GRIK2: variants seen among roughly 807,000 people sequenced by gnomAD.
The protein encoded by GRIK2 is glutamate receptor ionotropic, kainate 2.
In GRIK2, 32 loss-of-function variants were observed where a neutral mutation model predicts 100.3. The ratio of observed to expected loss-of-function variants is 0.32; its 90% CI spans 0.24 to 0.43. GRIK2 has a LOEUF of 0.43. GRIK2 is among the 20% of genes least tolerant of loss of function. The pLI is 1.00. For synonymous variants in GRIK2, 417 were observed against 389.4 expected, an observed-to-expected ratio of 1.07 and a Z score of -0.83; for missense variants, 843 against 1,114.9, an observed-to-expected ratio of 0.76 and a Z score of 3.47.
chr6:101,860,878 T>G, intron 11 of GRIK2: 1 of 728,242 alleles, frequency 1.4e-6, no homozygotes, highest in Admixed American at 6.3e-5. Context: ...GGATTTATTT[T>G]TATTTCTCAG....
At chr6:101,721,896 A>G (rs1158001287) in intron 7 of GRIK2, among the ~76,000 whole-genome samples, 5 of 152,062 alleles carry the variant, frequency 3.3e-5, no homozygotes, top group South Asian at 4.1e-4. Flanking sequence ...CTTAATTTCA[A>G]TATGTTTCAT....
chr6:101,529,668 G>A (rs1480824158), intron 2 of GRIK2, among the ~76,000 whole-genome samples: 1 of 152,026 alleles, frequency 6.6e-6, no homozygotes, highest in African/African-American at 2.4e-5. Flanking sequence ...TCTATAAAGA[G>A]GGTTGGTGTC....
At chr6:101,792,389 T>G (rs1186237549) in intron 7 of GRIK2, among the ~76,000 whole-genome samples, 3 of 152,260 alleles carry the variant, frequency 2.0e-5, no homozygotes, top group East Asian at 1.9e-4. Context: ...AGGAGCTCTT[T>G]TAGAGCAGGC....
At chr6:101,439,258 G>A (rs1488884792) in intron 2 of GRIK2, among the ~76,000 whole-genome samples, 1 of 152,018 alleles carries the variant, frequency 6.6e-6, no homozygotes, top group Non-Finnish European at 1.5e-5. Context: ...AGTTTATTTT[G>A]TCCTGGGAAG....
chr6:101,775,121 G>A (rs1778659339), intron 7 of GRIK2, among the ~76,000 whole-genome samples: 1 of 152,080 alleles, frequency 6.6e-6, no homozygotes, highest in Admixed American at 6.5e-5. Context: ...AACATAAAGG[G>A]CCAATGGAAA....
intron 10 of GRIK2, among the ~76,000 whole-genome samples, chr6:101,819,972 A>G (rs140017397): frequency 2.4e-4 from 37 of 152,274 alleles, no homozygotes; most frequent in South Asian, 8.3e-4. Flanking sequence ...TTAAATTTTT[A>G]TATATAGGGT....
At chr6:101,410,580 G>A (rs1775845180) in intron 2 of GRIK2, among the ~76,000 whole-genome samples, 1 of 152,084 alleles carries the variant, frequency 6.6e-6, no homozygotes, top group Non-Finnish European at 1.5e-5. Flanking sequence ...AGAGACAAGA[G>A]AGGACAACCT....
intron 11 of GRIK2, among the ~76,000 whole-genome samples, chr6:101,887,623 G>T (rs1307751991): frequency 6.6e-6 from 1 of 152,110 alleles, no homozygotes; most frequent in Non-Finnish European, 1.5e-5. Flanking sequence ...TTACAGTTCT[G>T]TAAGCTGTAT....
chr6:101,707,148 A>C (rs749204376), intron 7 of GRIK2, among the ~76,000 whole-genome samples: 1 of 151,748 alleles, frequency 6.6e-6, no homozygotes, highest in Admixed American at 6.6e-5. Context: ...ATCTCAAAAC[A>C]TATATCCTGA....
intron 11 of GRIK2, among the ~76,000 whole-genome samples, chr6:101,880,511 T>C (rs1024946891): frequency 6.6e-6 from 1 of 152,066 alleles, no homozygotes; most frequent in Non-Finnish European, 1.5e-5. Flanking sequence ...CTGCCAAGTC[T>C]ATCAGTGGAT....
intron 4 of GRIK2, among the ~76,000 whole-genome samples, chr6:101,641,944 G>A (rs1781293474): frequency 6.6e-6 from 1 of 151,826 alleles, no homozygotes; most frequent in Non-Finnish European, 1.5e-5. Flanking sequence ...CACAGTAAGT[G>A]ATCTATTGTG....
chr6:101,994,067 AATAC>A lies in GRIK2; in HGVS notation c.2086-41267_2086-41264del, dbSNP rs911944165. Among the ~76,000 whole-genome samples the A allele has an allele frequency of 6.3e-4, 94 of 149,484 alleles. 1 individual carries two copies. Among genetic ancestry groups the A allele is most frequent in the African/African-American group, 6.4e-4 (26 of 40,872 alleles). On this transcript the variant is annotated intron_variant, in intron 14 of 16. Transcript: ENST00000369134. ...TATACATTAATATACATTATATACA[AATAC>A]ATACATTATAAATGAATGTATACAT...
At chr6:101,903,570 C>T (rs1788021221) in intron 12 of GRIK2, among the ~76,000 whole-genome samples, 1 of 151,724 alleles carries the variant, frequency 6.6e-6, no homozygotes, top group African/African-American at 2.4e-5. Context: ...TTCTGTTATA[C>T]TTTCTTTCTG....
intron 7 of GRIK2, among the ~76,000 whole-genome samples, chr6:101,726,147 TAGG>T (rs1322164634): frequency 2.6e-5 from 4 of 152,022 alleles, no homozygotes; most frequent in African/African-American, 9.7e-5. Flanking sequence ...TTTCTCTTTA[TAGG>T]AGATTTGAAG....
chr6:102,022,164 AC>A (rs34265947), intron 14 of GRIK2, among the ~76,000 whole-genome samples: 23 of 150,980 alleles, frequency 1.5e-4, no homozygotes, highest in Admixed American at 1.5e-3. Context: ...ACACACACAC[AC>A]AACATATATT....
chr6:101,877,734 A>G (rs993103777), intron 11 of GRIK2, among the ~76,000 whole-genome samples: 9 of 152,020 alleles, frequency 5.9e-5, no homozygotes, highest in Admixed American at 3.9e-4. Flanking sequence ...TAACTTAGCA[A>G]GGAACTGATA....
chr6:101,900,539 G>A (rs1478330256), intron 12 of GRIK2, among the ~76,000 whole-genome samples: 4 of 152,058 alleles, frequency 2.6e-5, no homozygotes, highest in African/African-American at 9.7e-5. Context: ...ACATATTTCA[G>A]TTGTTTTAGG....
chr6:101,818,408 A>C lies in GRIK2; in HGVS notation c.1242A>C (p.Thr414=). 1 of 1,611,506 alleles carries C rather than the reference A, an allele frequency of 6.2e-7. No individual in the cohort carries two copies. Residue 414 remains threonine (T), a synonymous_variant, in exon 10 of 17, where the codon ACA becomes ACC. Coordinates refer to ENST00000369134, the MANE Select transcript of GRIK2 (RefSeq NM_021956.5). Reference sequence around the variant, plus strand: ...ATCCAGCCAGTGGCCTGAATATGACAGAAAGTCAAAAGGGAAAGCCAGCGA... The same window carrying C: ...ATCCAGCCAGTGGCCTGAATATGACCGAAAGTCAAAAGGGAAAGCCAGCGA... ...TWDPASGLNM[T]ESQKGKPANI...
At chr6:101,667,597 C>T (rs908140322) in intron 4 of GRIK2, among the ~76,000 whole-genome samples, 1 of 152,006 alleles carries the variant, frequency 6.6e-6, no homozygotes, top group Non-Finnish European at 1.5e-5. Flanking sequence ...TGCTGGAATT[C>T]TATTTATTTG....
Sources: allele counts gnomAD v4.1 joint callset (sites outside exome capture counted in the v4.1 genomes callset), GRCh38; gene constraint gnomAD v4.1.1; transcripts MANE v1.5; gene names NCBI Gene and HGNC (gene_info 2026-07-23, HGNC 2026-07-21).